KAZN: variants seen among roughly 807,000 people sequenced by gnomAD.
The protein encoded by KAZN is kazrin, periplakin interacting protein, also known as kazrin.
A neutral mutation model predicts 87.4 loss-of-function variants in KAZN; 40 were observed. That is an observed-to-expected ratio of 0.46 (90% CI 0.36 to 0.60). KAZN has a LOEUF of 0.60. Ranked by LOEUF, KAZN falls within the 20% of genes least tolerant of loss-of-function variation. The pLI, the probability that KAZN is intolerant of heterozygous loss-of-function variation, is 0.00. For missense variants in KAZN, 898 were observed against 1,073.9 expected, an observed-to-expected ratio of 0.84 and a Z score of 2.29; for synonymous variants, 466 against 458.3, an observed-to-expected ratio of 1.02 and a Z score of -0.22.
chr1:14,407,305 A>G (rs538036083), intron 2 of KAZN, among the ~76,000 whole-genome samples: 40 of 152,182 alleles, frequency 2.6e-4, no homozygotes, highest in Non-Finnish European at 5.0e-4. Context: ...TTAATTTTAT[A>G]AGATTGAGCT....
At chr1:13,981,905 G>C (rs576931879) in intron 1 of KAZN, among the ~76,000 whole-genome samples, 95 of 152,152 alleles carry the variant, frequency 6.2e-4, no homozygotes, top group Non-Finnish European at 1.1e-3. Flanking sequence ...TTAAACATTA[G>C]AGGGTGGGAC....
At chr1:14,563,977 C>T (rs1674403996) in intron 2 of KAZN, among the ~76,000 whole-genome samples, 1 of 150,462 alleles carries the variant, frequency 6.6e-6, no homozygotes, top group Non-Finnish European at 1.5e-5. Flanking sequence ...TCAAGTGATT[C>T]TCCCATCTCA....
intron 1 of KAZN, among the ~76,000 whole-genome samples, chr1:14,142,647 G>T (rs925562967): frequency 6.6e-6 from 1 of 152,208 alleles, no homozygotes; most frequent in African/African-American, 2.4e-5. Context: ...TTGGCTGTTA[G>T]CTCTTTAGAG....
intron 1 of KAZN, among the ~76,000 whole-genome samples, chr1:14,849,937 C>T (rs936566766): frequency 1.3e-5 from 2 of 149,814 alleles, no homozygotes; most frequent in Admixed American, 1.3e-4. Context: ...TTCTACCCCC[C>T]CTTTTTTTTT....
chr1:14,006,988 G>C (rs1322042390), intron 1 of KAZN, among the ~76,000 whole-genome samples: 5 of 152,110 alleles, frequency 3.3e-5, no homozygotes, highest in Non-Finnish European at 7.4e-5. Flanking sequence ...CCATTTATCT[G>C]TGTCTTCTTC....
chr1:13,949,321 G>GAC (rs34496138), intron 1 of KAZN, among the ~76,000 whole-genome samples: 127,279 of 152,018 alleles, frequency 0.84, 53,331 homozygotes, highest in South Asian at 0.94. Flanking sequence ...TGTACTTGGA[G>GAC]ACAATTTCTG....
At chr1:13,913,626 T>C (rs1639732959) in intron 1 of KAZN, among the ~76,000 whole-genome samples, 1 of 152,160 alleles carries the variant, frequency 6.6e-6, no homozygotes, top group African/African-American at 2.4e-5. Context: ...TCAGGGGAGA[T>C]AAAGCCATGT....
At chr1:14,623,529 T>C (rs1678878377) in intron 1 of KAZN, among the ~76,000 whole-genome samples, 1 of 152,210 alleles carries the variant, frequency 6.6e-6, no homozygotes, top group African/African-American at 2.4e-5. Context: ...TTGAACTTAA[T>C]ACCTGATTGA....
At chr1:14,150,708 C>A (rs1360176840) in intron 1 of KAZN, among the ~76,000 whole-genome samples, 1 of 152,172 alleles carries the variant, frequency 6.6e-6, no homozygotes, top group Admixed American at 6.5e-5. Flanking sequence ...CATTGCTGAT[C>A]CTCAAACCAC....
intron 1 of KAZN, among the ~76,000 whole-genome samples, chr1:14,697,240 G>A (rs1023070122): frequency 7.2e-5 from 11 of 151,926 alleles, no homozygotes; most frequent in East Asian, 5.8e-4. Flanking sequence ...TGAGGCAGGC[G>A]GATTGTTTAA....
intron 2 of KAZN, among the ~76,000 whole-genome samples, chr1:14,977,373 C>T (rs1665752760): frequency 6.6e-6 from 1 of 152,206 alleles, no homozygotes; most frequent in Admixed American, 6.5e-5. Context: ...AGGGAGCACT[C>T]ACACCCTCAG....
chr1:14,463,489 T>G (rs1386652786), intron 2 of KAZN, among the ~76,000 whole-genome samples: 2 of 152,196 alleles, frequency 1.3e-5, no homozygotes, highest in Non-Finnish European at 2.9e-5. Flanking sequence ...GATTAGTATA[T>G]TTCTATAAGG....
intron 1 of KAZN, among the ~76,000 whole-genome samples, chr1:14,845,689 T>A (rs1167458063): frequency 6.6e-6 from 1 of 152,120 alleles, no homozygotes; most frequent in Non-Finnish European, 1.5e-5. Flanking sequence ...GTGTTCCTTA[T>A]GGTGGTAATA....
At chr1:14,452,721 T>C (rs765983396) in intron 2 of KAZN, among the ~76,000 whole-genome samples, 16 of 152,138 alleles carry the variant, frequency 1.1e-4, no homozygotes, top group Non-Finnish European at 2.4e-4. Context: ...GTGAAGACAC[T>C]CTAGTTAAGT....
chr1:14,199,530 C>T (rs185738506), intron 2 of KAZN, among the ~76,000 whole-genome samples: 109 of 152,318 alleles, frequency 7.2e-4, no homozygotes, highest in Admixed American at 4.6e-3. Flanking sequence ...TTGTGGAATT[C>T]GTCGCTGGGT....
chr1:14,937,014 A>G (rs1215321223), intron 1 of KAZN, among the ~76,000 whole-genome samples: 1 of 152,116 alleles, frequency 6.6e-6, no homozygotes, highest in Non-Finnish European at 1.5e-5. Flanking sequence ...CCCCGAACTA[A>G]GTCCACATCC....
chr1:14,989,991 A>G (rs1441930496), intron 2 of KAZN, among the ~76,000 whole-genome samples: 1 of 152,168 alleles, frequency 6.6e-6, no homozygotes, highest in Non-Finnish European at 1.5e-5. Flanking sequence ...TGTTTGATAC[A>G]GCAACTCTAT....
At chr1:14,435,401 C>T (rs1432816484) in intron 2 of KAZN, among the ~76,000 whole-genome samples, 1 of 152,200 alleles carries the variant, frequency 6.6e-6, no homozygotes, top group Non-Finnish European at 1.5e-5. Flanking sequence ...CAGGAGCCAC[C>T]CTCAGCCAAT....
intron 2 of KAZN, among the ~76,000 whole-genome samples, chr1:14,283,348 G>C (rs2100722500): frequency 6.6e-6 from 1 of 152,176 alleles, no homozygotes; most frequent in Middle Eastern, 3.4e-3. Flanking sequence ...CCATTTTCTA[G>C]GGTTACTCCA....
Sources: gnomAD v4.1 joint callset for allele counts (sites outside exome capture counted in the v4.1 genomes callset) on GRCh38, gnomAD v4.1.1 for gene constraint, MANE v1.5 for transcripts, NCBI Gene and HGNC (gene_info 2026-07-23, HGNC 2026-07-21) for gene names.